The following ZMYND19 variants were observed in gnomAD, a reference collection of about 807,000 sequenced individuals.
ZMYND19 encodes zinc finger MYND domain-containing protein 19.
A neutral mutation model predicts 32.0 loss-of-function variants in ZMYND19; 17 were observed. The ratio of observed to expected loss-of-function variants is 0.53; its 90% CI spans 0.36 to 0.80. ZMYND19 has a LOEUF of 0.80. Ranked by LOEUF, ZMYND19 falls within the 30% of genes least tolerant of loss-of-function variation. The probability of loss-of-function intolerance (pLI) is 0.00; values close to 1 mark genes in which losing one functional copy is unlikely to be tolerated. For synonymous variants in ZMYND19, 124 were observed against 113.6 expected (o/e 1.09, Z -0.58); for missense variants, 250 against 293.6 (o/e 0.85, Z 1.09).
intron 5 of ZMYND19, 35 bp downstream of exon 5, chr9:137,582,948 G>A (rs1842163898): frequency 1.2e-6 from 2 of 1,608,884 alleles, no homozygotes; most frequent in South Asian, 1.1e-5. Flanking sequence ...CAGGGTAGAG[G>A]TGCCAGGGAC....
rs1180599154 is a variant in ZMYND19, at chr9:137,582,939, A to T, written c.540+44T>A. On this transcript the variant is annotated intron_variant, in intron 5 of 5. Transcript: ENST00000298585. ...AGATCCCAAACCAAGGCTGGGCTAC[A>T]GGGTAGAGGTGCCAGGGACGCGACC... 25 of 1,603,138 alleles carry T rather than the reference A, an allele frequency of 1.6e-5. No homozygotes were observed. The African/African-American group carries it at 1.6e-4, about 10-fold the overall frequency.
In ZMYND19 at chr9:137,590,177, CGAGA is replaced by C. The variant is rs1273025248; in HGVS notation, c.51+32_51+35del. On this transcript the variant is annotated intron_variant, in intron 1 of 5. Coordinates refer to ENST00000298585, the MANE Select transcript of ZMYND19 (RefSeq NM_138462.3). This position sits in a 1 kb window ranked among gnomAD's most constrained non-coding sequence, Gnocchi z 4.2. The stretch of plus-strand genomic sequence containing the variant: ...GGCCCCGCGCGGAGGCCTGGACGGG[CGAGA>C]CGGGCCGGGTCGCGGGCTCCGCGCC... 5.1e-5 allele frequency: 53 copies of C among 1,038,300 alleles called. No individual in the cohort carries two copies. The African/African-American group carries it at 8.9e-4, about 18-fold the overall frequency. The allele number at this position is 1,038,300 out of a possible 1,614,324, so 64.3% of individuals were successfully genotyped here.
At chr9:137,584,379 G>A (rs1842180825) in intron 4 of ZMYND19, among the ~76,000 whole-genome samples, 1 of 152,262 alleles carries the variant, frequency 6.6e-6, no homozygotes, top group Non-Finnish European at 1.5e-5. Context: ...CTGACCAGGA[G>A]CATCAGCCCA....
intron 4 of ZMYND19, among the ~76,000 whole-genome samples, chr9:137,586,316 G>C (rs1334236966): frequency 6.6e-6 from 1 of 151,104 alleles, no homozygotes; most frequent in Non-Finnish European, 1.5e-5. Context: ...GGAATCCTGA[G>C]GTGAGCAGAG....
At chr9:137,584,005 C>T (rs942473761) in intron 4 of ZMYND19, among the ~76,000 whole-genome samples, 131 of 152,312 alleles carry the variant, frequency 8.6e-4, no homozygotes, top group African/African-American at 3.1e-3. Flanking sequence ...TCCAGACGGA[C>T]GCACAGCACC....
chr9:137,589,293 C>T, intron 1 of ZMYND19: 1 of 980,608 alleles, frequency 1.0e-6, no homozygotes, highest in East Asian at 1.1e-4. Context: ...GCCTCCTCCC[C>T]AGCAGGCCCT....
At position 137,582,443 on chromosome 9, in the gene ZMYND19, A is replaced by G. The variant is rs992657893; in HGVS notation, c.*100T>C. ...CTCACGGCAGCTGTCCTGGGCCCGC[A>G]GCTGGCTTTTTTGGCACCTCCAGGT... is the stretch of plus-strand genomic sequence containing the variant. On this transcript the variant is annotated 3_prime_UTR_variant, in exon 6 of 6. Coordinates refer to ENST00000298585, the MANE Select transcript of ZMYND19 (RefSeq NM_138462.3). 2.0e-6 allele frequency: 3 copies of G among 1,504,984 alleles called. No homozygotes were observed. Among genetic ancestry groups the G allele is most frequent in the African/African-American group, 2.8e-5 (2 of 72,328 alleles). 93.2% of individuals were successfully genotyped at this position (1,504,984 alleles called of 1,614,324 possible).
At chr9:137,583,613 G>T (rs1340341134) in intron 4 of ZMYND19, among the ~76,000 whole-genome samples, 1 of 97,580 alleles carries the variant, frequency 1.0e-5, no homozygotes, top group Non-Finnish European at 2.0e-5. Flanking sequence ...GTTCTACCAA[G>T]AACGGAGCCT....
intron 2 of ZMYND19, 86 bp from the exon 3 acceptor site, chr9:137,587,909 C>G: frequency 7.3e-7 from 1 of 1,366,348 alleles, no homozygotes; most frequent in Non-Finnish European, 1.0e-6. Context: ...CCAAGTGAAA[C>G]AAGCAAGCCA....
At chr9:137,585,446 A>G (rs10120250) in intron 4 of ZMYND19, among the ~76,000 whole-genome samples, 34,751 of 150,076 alleles carry the variant, frequency 0.23, 4,333 homozygotes, top group Admixed American at 0.34. Flanking sequence ...TGCTGAGGCA[A>G]GAGGATTCCC....
At chr9:137,587,402 A>G in intron 3 of ZMYND19, 1 of 594,544 alleles carries the variant, frequency 1.7e-6, no homozygotes, top group Non-Finnish European at 3.0e-6. Context: ...GCCTCGAGAC[A>G]GCTCCCCATC....
chr9:137,589,865 C>CG lies in ZMYND19; in HGVS notation c.51+347dup, dbSNP rs1166741465. The stretch of plus-strand genomic sequence containing the variant: ...GCAGCCCGGACGCCGCGCTAGGCCC[C>CG]GGATCGCCGACACCACTGGGAGGGC... On this transcript the variant is annotated intron_variant, in intron 1 of 5. Transcript: ENST00000298585. 30 of 985,314 alleles carry CG rather than the reference C, an allele frequency of 3.0e-5. No individual in the cohort carries two copies. In the Admixed American group the frequency reaches 1.8e-3, roughly 61 times the overall value. 61.0% of individuals were successfully genotyped at this position (985,314 alleles called of 1,614,324 possible). A position where few individuals can be genotyped will look rare whatever the true frequency, so the allele number is the denominator to read the frequency against.
At chr9:137,585,099 G>A (rs1029806359) in intron 4 of ZMYND19, among the ~76,000 whole-genome samples, 2 of 152,106 alleles carry the variant, frequency 1.3e-5, no homozygotes, top group African/African-American at 2.4e-5. Context: ...CGGGCGTGGT[G>A]GTGCACACCC....
At chr9:137,586,468 G>A (rs562542025) in intron 4 of ZMYND19, among the ~76,000 whole-genome samples, 1 of 147,776 alleles carries the variant, frequency 6.8e-6, no homozygotes, top group South Asian at 2.1e-4. Context: ...AGAGAAGGAA[G>A]GAATCCCGAG....
intron 4 of ZMYND19, among the ~76,000 whole-genome samples, chr9:137,585,065 A>G (rs1278953337): frequency 3.3e-5 from 5 of 152,190 alleles, no homozygotes; most frequent in African/African-American, 9.7e-5. Context: ...AGGAAGGTCA[A>G]AACTCTAATA....
chr9:137,583,914 G>GCAAAGCAATAGCCCAGGCCTGA (rs1222664715), intron 4 of ZMYND19, among the ~76,000 whole-genome samples: 1 of 152,264 alleles, frequency 6.6e-6, no homozygotes, highest in Non-Finnish European at 1.5e-5. Context: ...TGCCAGGAAA[G>GCAAAGCAATAGCCCAGGCCTGA]CAAAGCAATA....
Position 137,582,682 on chromosome 9 carries a change from C to T in ZMYND19, c.545G>A (p.Arg182Gln), listed in dbSNP as rs755641282. Reference protein sequence around the residue: ...PPCTVIEKQLREFNICGRCQV... With the variant: ...PPCTVIEKQLQEFNICGRCQV... The stretch of plus-strand genomic sequence containing the variant: ...GCAGCGCCCACAGATGTTGAACTCC[C>T]GGAGCTGAAATACAGAACACCTGTG... The change falls in exon 6 of 6, where the codon CGG becomes CAG. Residue 182 changes from arginine (R) to glutamine (Q), a missense_variant. Transcript: ENST00000298585. 1.1e-5 allele frequency: 18 copies of T among 1,612,616 alleles called. No homozygotes were observed. The highest frequency in any genetic ancestry group is 1.7e-5 in the Admixed American group (1 of 59,984).
chr9:137,582,946 A>G (rs1358248554), intron 5 of ZMYND19, 37 bp downstream of exon 5: 1 of 1,608,120 alleles, frequency 6.2e-7, no homozygotes, highest in African/African-American at 1.3e-5. Context: ...TACAGGGTAG[A>G]GGTGCCAGGG....
In ZMYND19 at chr9:137,582,445, C is replaced by G; in HGVS notation, c.*98G>C. The G allele has an allele frequency of 6.6e-7, 1 of 1,510,690 alleles. No individual in the cohort carries two copies. The highest frequency in any genetic ancestry group is 2.3e-5 in the East Asian group (1 of 43,832). 93.6% of individuals were successfully genotyped at this position (1,510,690 alleles called of 1,614,324 possible). A position where few individuals can be genotyped will look rare whatever the true frequency, so the allele number is the denominator to read the frequency against. The stretch of plus-strand genomic sequence containing the variant: ...CACGGCAGCTGTCCTGGGCCCGCAG[C>G]TGGCTTTTTTGGCACCTCCAGGTTC... On this transcript the variant is annotated 3_prime_UTR_variant, in exon 6 of 6. Coordinates refer to ENST00000298585, the MANE Select transcript of ZMYND19 (RefSeq NM_138462.3).
Sources: gnomAD v4.1 joint callset for allele counts (sites outside exome capture counted in the v4.1 genomes callset) on GRCh38, gnomAD v4.1.1 for gene constraint, Gnocchi (gnomAD v3.1) non-coding constraint, MANE v1.5 for transcripts, NCBI Gene and HGNC (gene_info 2026-07-23, HGNC 2026-07-21) for gene names.